CDH13: variants seen among roughly 807,000 people sequenced by gnomAD.
CDH13 encodes cadherin-13.
Under a neutral mutation model 63.8 loss-of-function variants are expected in CDH13, and 24 were observed. The observed-to-expected ratio is 0.38, with a 90% CI of 0.27 to 0.53. The LOEUF is 0.53. Ranked by LOEUF, CDH13 falls within the 20% of genes least tolerant of loss-of-function variation. The probability of loss-of-function intolerance (pLI) is 0.85; values close to 1 mark genes in which losing one functional copy is unlikely to be tolerated. For synonymous variants in CDH13, 503 were observed against 355.3 expected, an observed-to-expected ratio of 1.42 and a Z score of -4.67; for missense variants, 1,049 against 903.1, an observed-to-expected ratio of 1.16 and a Z score of -2.07.
intron 4 of CDH13, among the ~76,000 whole-genome samples, chr16:83,144,099 G>T (rs149621866): frequency 1.1e-3 from 172 of 152,188 alleles, no homozygotes; most frequent in African/African-American, 4.0e-3. Context: ...AAATGAAATC[G>T]CCTGATTGGT....
At chr16:83,447,617 G>A (rs2072749616) in intron 6 of CDH13, among the ~76,000 whole-genome samples, 3 of 152,066 alleles carry the variant, frequency 2.0e-5, no homozygotes, top group Admixed American at 6.5e-5. Context: ...ACAGGAAGAA[G>A]CGTGTGAAAA....
chr16:83,547,765 G>A lies in CDH13; in HGVS notation c.961-54689G>A, dbSNP rs185230571. 7.9e-5 allele frequency among the ~76,000 whole-genome samples: 12 copies of A among 152,244 alleles called. No individual in the cohort carries two copies. The East Asian group carries it at 1.2e-3, about 15-fold the overall frequency. On this transcript the variant is annotated intron_variant, in intron 7 of 13. Coordinates refer to ENST00000567109, the MANE Select transcript of CDH13 (RefSeq NM_001257.5). ...GAATAGTGCTGCAGTGAACATATGC[G>A]TGCATGGGTCTTTGTGGTAGAATGA...
chr16:83,236,356 T>C (rs2040144030), intron 5 of CDH13, among the ~76,000 whole-genome samples: 1 of 152,120 alleles, frequency 6.6e-6, no homozygotes, highest in South Asian at 2.1e-4. Flanking sequence ...ATAGTAAAGA[T>C]ATTTTGAAGA....
intron 1 of CDH13, among the ~76,000 whole-genome samples, chr16:82,735,950 C>A (rs538666604): frequency 6.6e-6 from 1 of 152,188 alleles, no homozygotes; most frequent in Non-Finnish European, 1.5e-5. Context: ...ACTCACTAGG[C>A]TGATTTAGAG....
At chr16:83,747,558 A>G (rs16961630) in intron 10 of CDH13, among the ~76,000 whole-genome samples, 14,334 of 151,314 alleles carry the variant, frequency 0.095, 1,551 homozygotes, top group African/African-American at 0.25. Context: ...ACAATTTGTT[A>G]ACTCATATTC....
chr16:83,315,203 T>C (rs946946009), intron 5 of CDH13, among the ~76,000 whole-genome samples: 3 of 152,236 alleles, frequency 2.0e-5, no homozygotes, highest in African/African-American at 4.8e-5. Context: ...CACATAAGTA[T>C]GGCGTCTTAC....
At chr16:83,683,652 T>C (rs1282696357) in intron 10 of CDH13, among the ~76,000 whole-genome samples, 1 of 152,236 alleles carries the variant, frequency 6.6e-6, no homozygotes, top group African/African-American at 2.4e-5. Flanking sequence ...TTTACACTTG[T>C]TTGCAGTTTT....
chr16:83,676,351 C>T (rs756796216), intron 9 of CDH13, among the ~76,000 whole-genome samples: 11 of 152,144 alleles, frequency 7.2e-5, no homozygotes, highest in Middle Eastern at 3.2e-3. Flanking sequence ...GACTGGGGTG[C>T]TCTGCATCTC....
intron 10 of CDH13, among the ~76,000 whole-genome samples, chr16:83,733,905 A>G (rs1284994568): frequency 6.6e-6 from 1 of 152,228 alleles, no homozygotes; most frequent in Non-Finnish European, 1.5e-5. Flanking sequence ...CCTGAGACTT[A>G]GGCAGAGAGC....
chr16:83,027,435 T>C (rs1249623782), intron 2 of CDH13, among the ~76,000 whole-genome samples: 4 of 151,992 alleles, frequency 2.6e-5, no homozygotes, highest in Non-Finnish European at 5.9e-5. Context: ...GTGAAGAAGG[T>C]GAGAAATGCC....
chr16:83,675,159 CA>C (rs1458162193), intron 9 of CDH13, among the ~76,000 whole-genome samples: 1 of 152,182 alleles, frequency 6.6e-6, no homozygotes, highest in East Asian at 1.9e-4. Context: ...AGAGGCCCAG[CA>C]ACAGACAAAG....
intron 2 of CDH13, among the ~76,000 whole-genome samples, chr16:82,929,131 C>T (rs1244841354): frequency 6.6e-6 from 1 of 151,920 alleles, no homozygotes; most frequent in Non-Finnish European, 1.5e-5. Context: ...AGGTTGATAC[C>T]ATTTGTTTTT....
chr16:83,089,744 C>T (rs891172649), intron 3 of CDH13, among the ~76,000 whole-genome samples: 4 of 152,134 alleles, frequency 2.6e-5, no homozygotes, highest in Non-Finnish European at 4.4e-5. Context: ...AAGGGCTACA[C>T]GTCGGAAATG....
chr16:83,303,869 G>A (rs1567577127), intron 5 of CDH13, among the ~76,000 whole-genome samples: 2 of 152,114 alleles, frequency 1.3e-5, no homozygotes, highest in Non-Finnish European at 2.9e-5. Context: ...CTCATGACAG[G>A]CTTAGTGGGG....
chr16:82,973,002 G>A (rs914089868), intron 2 of CDH13, among the ~76,000 whole-genome samples: 1 of 152,124 alleles, frequency 6.6e-6, no homozygotes, highest in Non-Finnish European at 1.5e-5. Context: ...TCTCGACCCA[G>A]AACAATGTCA....
chr16:83,118,871 TG>T (rs1169437152), intron 3 of CDH13, among the ~76,000 whole-genome samples: 1 of 152,214 alleles, frequency 6.6e-6, no homozygotes, highest in Non-Finnish European at 1.5e-5. Flanking sequence ...TCTGCTCTCT[TG>T]CATCTTCATT....
chr16:83,351,787 A>G (rs535563747), intron 6 of CDH13, among the ~76,000 whole-genome samples: 1 of 152,218 alleles, frequency 6.6e-6, no homozygotes, highest in Admixed American at 6.5e-5. Flanking sequence ...ATCCCTATTC[A>G]GGTGATGCTT....
chr16:83,688,161 A>G (rs1347964649), intron 10 of CDH13, among the ~76,000 whole-genome samples: 1 of 152,216 alleles, frequency 6.6e-6, no homozygotes, highest in African/African-American at 2.4e-5. Context: ...TGTTTAATCT[A>G]ATATTGGAGC....
At chr16:83,188,643 C>T (rs918259090) in intron 4 of CDH13, among the ~76,000 whole-genome samples, 4 of 152,152 alleles carry the variant, frequency 2.6e-5, no homozygotes, top group African/African-American at 7.2e-5. Flanking sequence ...CCAAAGTCTG[C>T]AGGAAATTTA....
Sources: allele counts gnomAD v4.1 joint callset (sites outside exome capture counted in the v4.1 genomes callset), GRCh38; gene constraint gnomAD v4.1.1; transcripts MANE v1.5; gene names NCBI Gene and HGNC (gene_info 2026-07-23, HGNC 2026-07-21).